Variants in SAMSN1 observed in about 807,000 individuals in gnomAD.
SAMSN1 encodes SAM domain-containing protein SAMSN-1.
A neutral mutation model predicts 42.0 loss-of-function variants in SAMSN1; 31 were observed. That is an observed-to-expected ratio of 0.74 (90% CI 0.55 to 1.00). The LOEUF (loss-of-function observed/expected upper bound fraction) is 1.00. SAMSN1 is among the 50% of genes least tolerant of loss of function. The pLI, the probability that SAMSN1 is intolerant of heterozygous loss-of-function variation, is 0.00. For missense variants in SAMSN1, 464 were observed against 439.4 expected, an observed-to-expected ratio of 1.06 and a Z score of -0.50; for synonymous variants, 178 against 151.9, an observed-to-expected ratio of 1.17 and a Z score of -1.26.
At chr21:14,578,034 C>T (rs1310420777) in intron 2 of SAMSN1, among the ~76,000 whole-genome samples, 2 of 152,166 alleles carry the variant, frequency 1.3e-5, no homozygotes, top group Non-Finnish European at 2.9e-5. Flanking sequence ...TATAGTATCT[C>T]AACGGAATAA....
intron 2 of SAMSN1, among the ~76,000 whole-genome samples, chr21:14,565,023 G>A (rs527681156): frequency 6.6e-6 from 1 of 152,100 alleles, no homozygotes; most frequent in African/African-American, 2.4e-5. Flanking sequence ...GGCTGGGAGT[G>A]GTGGCTCACA....
rs537880921 is a variant in SAMSN1, at chr21:14,597,075, C to T, written c.400-2997G>A. On this transcript the variant is annotated intron_variant, in intron 6 of 15. Transcript: ENST00000647101. ...TTTGTCATAATATAATCATGTCATA[C>T]ATAAAGACTATCATTTGGTTGACAC... Among the ~76,000 whole-genome samples the T allele has an allele frequency of 2.0e-5, 3 of 152,138 alleles. No homozygotes were observed. In the South Asian group the frequency reaches 6.2e-4, roughly 32 times the overall value.
intron 2 of SAMSN1, among the ~76,000 whole-genome samples, chr21:14,552,496 C>G (rs1980632873): frequency 6.6e-6 from 1 of 152,068 alleles, no homozygotes; most frequent in Admixed American, 6.6e-5. Context: ...TCCCTTCACT[C>G]CCACTTTTCC....
At chr21:14,585,710 T>C (rs897587964), upstream of SAMSN1, among the ~76,000 whole-genome samples, 2 of 152,224 alleles carry the variant, frequency 1.3e-5, no homozygotes, top group African/African-American at 4.8e-5. Context: ...AAAAATCCTA[T>C]GTGCCTAGGA....
At chr21:14,497,701 C>G (rs1363918228) in intron 7 of SAMSN1, among the ~76,000 whole-genome samples, 1 of 152,106 alleles carries the variant, frequency 6.6e-6, no homozygotes, top group Non-Finnish European at 1.5e-5. Flanking sequence ...GTTAGACTTT[C>G]CCCTTTTGGT....
chr21:14,538,206 G>C (rs1355958991), intron 1 of SAMSN1, among the ~76,000 whole-genome samples: 3 of 152,108 alleles, frequency 2.0e-5, no homozygotes, highest in Admixed American at 6.6e-5. Context: ...TTTTAAAGGG[G>C]AAAAGAGTAA....
At chr21:14,510,656 C>CT (rs1201387284) in intron 4 of SAMSN1, among the ~76,000 whole-genome samples, 195 bp from the exon 5 acceptor site, 2 of 146,478 alleles carry the variant, frequency 1.4e-5, no homozygotes, top group Admixed American at 6.7e-5. Context: ...CATTTCGAAC[C>CT]TTTTTCCTGC....
intron 6 of SAMSN1, among the ~76,000 whole-genome samples, chr21:14,498,838 T>G (rs1248151436): frequency 1.3e-5 from 2 of 152,232 alleles, no homozygotes; most frequent in Non-Finnish European, 2.9e-5. Flanking sequence ...AGCTATACAA[T>G]TCCAAATCAT....
intron 2 of SAMSN1, among the ~76,000 whole-genome samples, chr21:14,620,104 C>A (rs1011244732): frequency 6.6e-6 from 1 of 152,038 alleles, no homozygotes; most frequent in African/African-American, 2.4e-5. Context: ...TTCTATGGTC[C>A]ACTTTAGGAG....
chr21:14,645,699 G>A (rs1334595557), intron 1 of SAMSN1, among the ~76,000 whole-genome samples: 1 of 152,176 alleles, frequency 6.6e-6, no homozygotes, highest in East Asian at 1.9e-4. Flanking sequence ...TGGAGAAAGA[G>A]ATATGTGACC....
chr21:14,499,145 G>A (rs1183453218), intron 6 of SAMSN1, among the ~76,000 whole-genome samples: 1 of 152,138 alleles, frequency 6.6e-6, no homozygotes, highest in Non-Finnish European at 1.5e-5. Context: ...CAAAAGAATT[G>A]GAGACTTTCT....
At chr21:14,621,372 G>A (rs535845426) in intron 2 of SAMSN1, among the ~76,000 whole-genome samples, 1 of 152,192 alleles carries the variant, frequency 6.6e-6, no homozygotes, top group South Asian at 2.1e-4. Context: ...AAGCACAAGG[G>A]ACCAGGGAAT....
chr21:14,507,365 T>C (rs1327673265), intron 5 of SAMSN1, among the ~76,000 whole-genome samples: 1 of 152,152 alleles, frequency 6.6e-6, no homozygotes, highest in Non-Finnish European at 1.5e-5. Flanking sequence ...AAAATTAACG[T>C]ACACAAATCA....
intron 1 of SAMSN1, among the ~76,000 whole-genome samples, chr21:14,654,499 A>T (rs1157782708): frequency 6.6e-6 from 1 of 152,020 alleles, no homozygotes; most frequent in Non-Finnish European, 1.5e-5. Context: ...CCTGAGGGGT[A>T]GCATGCAATC....
At chr21:14,486,211 C>G in intron 7 of SAMSN1, 97 bp from the exon 8 acceptor site, 1 of 781,808 alleles carries the variant, frequency 1.3e-6, no homozygotes, top group Non-Finnish European at 2.1e-6. Flanking sequence ...TTTAACTGTT[C>G]TAACCATGAC....
At chr21:14,621,567 C>G (rs574038290) in intron 2 of SAMSN1, among the ~76,000 whole-genome samples, 1 of 105,706 alleles carries the variant, frequency 9.5e-6, no homozygotes, top group African/African-American at 3.5e-5. Flanking sequence ...AGTCTGAGAT[C>G]GAACTGCAAG....
chr21:14,533,346 T>C lies in SAMSN1; in HGVS notation c.58-12125A>G, dbSNP rs1226152237. On this transcript the variant is annotated intron_variant, in intron 1 of 7. Transcript: ENST00000400566. The stretch of plus-strand genomic sequence containing the variant: ...CTGAGACGAATGCCATATCACTATG[T>C]AGATTTTGATACAAGGTAAATTTGA... Among the ~76,000 whole-genome samples, 3 of 152,218 alleles carry C rather than the reference T, an allele frequency of 2.0e-5. No homozygotes were observed. The East Asian group carries it at 5.8e-4, about 29-fold the overall frequency.
At chr21:14,507,239 A>G (rs1289507855) in intron 5 of SAMSN1, among the ~76,000 whole-genome samples, 1 of 152,216 alleles carries the variant, frequency 6.6e-6, no homozygotes, top group Non-Finnish European at 1.5e-5. Flanking sequence ...ATCACTGAAG[A>G]TGAAGTCAAA....
intron 2 of SAMSN1, among the ~76,000 whole-genome samples, chr21:14,642,342 G>T (rs542915280): frequency 6.6e-6 from 1 of 152,332 alleles, no homozygotes; most frequent in South Asian, 2.1e-4. Context: ...AGAACAATTT[G>T]CATTTGCCAG....
Sources: allele counts gnomAD v4.1 joint callset (sites outside exome capture counted in the v4.1 genomes callset), GRCh38; gene constraint gnomAD v4.1.1; transcripts MANE v1.5; gene names NCBI Gene and HGNC (gene_info 2026-07-23, HGNC 2026-07-21).